Variants in SRPX observed in about 807,000 individuals in gnomAD.
SRPX encodes sushi repeat-containing protein SRPX.
A neutral mutation model predicts 38.1 loss-of-function variants in SRPX; 24 were observed. The ratio of observed to expected loss-of-function variants is 0.63; its 90% CI spans 0.46 to 0.89. The LOEUF (loss-of-function observed/expected upper bound fraction) is 0.89. SRPX is among the 40% of genes least tolerant of loss of function. The pLI, the probability that SRPX is intolerant of heterozygous loss-of-function variation, is 0.00. For synonymous variants in SRPX, 184 were observed against 153.8 expected (o/e 1.20, Z -1.45); for missense variants, 416 against 377.8 (o/e 1.10, Z -0.84).
chrX:38,176,431 T>C (rs1234278792), intron 2 of SRPX, among the ~76,000 whole-genome samples: 1 of 112,196 alleles, frequency 8.9e-6, no homozygotes, highest in Non-Finnish European at 1.9e-5. Context: ...GTGCTGGACA[T>C]TGTGCAGGGG....
In SRPX at chrX:38,164,800, C is replaced by G; in HGVS notation, c.622G>C (p.Gly208Arg). Reference protein sequence around the residue: ...TVRVSWETPEGRDTADGILTD... With the variant: ...TVRVSWETPERRDTADGILTD... The stretch of plus-strand genomic sequence containing the variant: ...AGAATTCCATCTGCTGTGTCTCTTC[C>G]TTCGGGTGTCTCCCAGGACACCCGG... Residue 208 changes from glycine to arginine, a missense_variant, in exon 5 of 10, where the codon GGA (glycine) becomes CGA (arginine). Transcript: ENST00000378533. The G allele has an allele frequency of 8.3e-7, 1 of 1,210,586 alleles. No homozygotes were observed. Among genetic ancestry groups the G allele is most frequent in the Non-Finnish European group, 1.1e-6 (1 of 894,786 alleles).
chrX:38,151,429 T>C (rs772445726), intron 9 of SRPX, among the ~76,000 whole-genome samples: 3 of 112,006 alleles, frequency 2.7e-5, no homozygotes, highest in Admixed American at 9.5e-5. Context: ...GGGAATGTGG[T>C]GGCTGAAGCC....
At chrX:38,197,232 G>A (rs372765267) in intron 1 of SRPX, among the ~76,000 whole-genome samples, 1 of 112,454 alleles carries the variant, frequency 8.9e-6, no homozygotes, top group Non-Finnish European at 1.9e-5. Context: ...CACCCAGCAA[G>A]GGGGAGAGCT....
At chrX:38,208,253 G>T (rs1384922107) in intron 1 of SRPX, among the ~76,000 whole-genome samples, 1 of 111,500 alleles carries the variant, frequency 9.0e-6, no homozygotes, top group African/African-American at 3.3e-5. Context: ...GCATACCCAT[G>T]AGACCTCCCA....
At chrX:38,151,470 A>G (rs774221269) in intron 9 of SRPX, among the ~76,000 whole-genome samples, 1 of 111,441 alleles carries the variant, frequency 9.0e-6, no homozygotes, top group Non-Finnish European at 1.9e-5. Context: ...AAGAAATTGG[A>G]GCATTCATTT....
chrX:38,165,564 T>C (rs1938350779), intron 4 of SRPX, among the ~76,000 whole-genome samples: 1 of 112,059 alleles, frequency 8.9e-6, no homozygotes, highest in Admixed American at 9.5e-5. Flanking sequence ...CCCAACTCTC[T>C]CATTTTACAG....
chrX:38,175,167 G>C (rs1379736186), intron 2 of SRPX, among the ~76,000 whole-genome samples: 2 of 112,121 alleles, frequency 1.8e-5, no homozygotes, highest in Admixed American at 1.9e-4. Flanking sequence ...TAGCTCCTTG[G>C]TGGATAAGTT....
chrX:38,156,966 C>T lies in SRPX; in HGVS notation c.1019G>A (p.Arg340Lys), dbSNP rs1266825726. ...AALLDQFYEK[R>K]RLLIVSTPTA... is the part of the protein sequence containing the mutation. ...GGGTGTGGACACAATGAGGAGTCTCCTTTTCTCATAAAACTGATCCAGAAG... is the reference window on the plus strand; with the variant it reads ...GGGTGTGGACACAATGAGGAGTCTCTTTTTCTCATAAAACTGATCCAGAAG... The change falls in exon 8 of 10, where the codon AGG becomes AAG. Residue 340 changes from arginine (R) to lysine (K), a missense_variant. Arg to Lys is a conservative substitution (Grantham distance 26). Coordinates refer to ENST00000378533, the MANE Select transcript of SRPX (RefSeq NM_006307.5). 2 of 1,209,746 alleles carry T rather than the reference C, an allele frequency of 1.7e-6. No individual in the cohort carries two copies. The highest frequency in any genetic ancestry group is 2.2e-6 in the Non-Finnish European group (2 of 895,095).
intron 5 of SRPX, among the ~76,000 whole-genome samples, chrX:38,163,850 G>A (rs891448170): frequency 4.5e-5 from 5 of 111,312 alleles, no homozygotes; most frequent in Non-Finnish European, 7.5e-5. Flanking sequence ...AAAAAACAAG[G>A]GGTGAAAAAG....
intron 1 of SRPX, among the ~76,000 whole-genome samples, chrX:38,183,085 G>A (rs1170116247): frequency 2.9e-5 from 3 of 103,542 alleles, no homozygotes; most frequent in Non-Finnish European, 3.9e-5. Context: ...ACAGGGTCTC[G>A]CTCTGTTGCC....
intron 1 of SRPX, among the ~76,000 whole-genome samples, chrX:38,211,723 G>GA (rs1167051210): frequency 1.8e-5 from 2 of 109,555 alleles, no homozygotes; most frequent in Admixed American, 9.7e-5. Context: ...AAAGAACAGA[G>GA]AAAAAAAATA....
chrX:38,154,834 A>G lies in SRPX; in HGVS notation c.1090-251T>C, dbSNP rs45542338. Among the ~76,000 whole-genome samples the G allele has an allele frequency of 4.2e-3, 472 of 111,931 alleles. 1 individual carries two copies. Among genetic ancestry groups the G allele is most frequent in the Non-Finnish European group, 6.6e-3 (353 of 53,138 alleles). ...GAAAACCTAAGCAAAAGGGCAGTCT[A>G]TGTATTTCCAGACAGGGTGAGACCT... is the stretch of plus-strand genomic sequence containing the variant. On this transcript the variant is annotated intron_variant, in intron 8 of 9. Transcript: ENST00000378533.
At chrX:38,193,419 T>A in intron 1 of SRPX, among the ~76,000 whole-genome samples, 2 of 111,950 alleles carry the variant, frequency 1.8e-5, no homozygotes, top group Middle Eastern at 9.3e-3. Flanking sequence ...TAAGGCTGCA[T>A]TAGGGAAGTT....
chrX:38,160,070 G>T lies in SRPX; in HGVS notation c.902C>A (p.Ala301Asp). ...IGGYELQGSP[A>D]RVCQSNLAWS... ...AGCCAGGTTGGATTGACATACTCGG[G>T]CAGGGCTACCCTGGAGCTCATAGCC... The change falls in exon 7 of 10, where the codon GCC becomes GAC. Residue 301 changes from alanine to aspartate, a missense_variant. By Grantham distance (126) the Ala-to-Asp change is moderately radical. Transcript: ENST00000378533. The T allele has an allele frequency of 8.3e-7, 1 of 1,211,487 alleles. No homozygotes were observed.
At chrX:38,150,407 G>C (rs1937990929) in intron 9 of SRPX, among the ~76,000 whole-genome samples, 1 of 111,901 alleles carries the variant, frequency 8.9e-6, no homozygotes, top group African/African-American at 3.3e-5. Flanking sequence ...GGGTGATTTT[G>C]CTCCCCACCC....
intron 1 of SRPX, among the ~76,000 whole-genome samples, chrX:38,190,260 G>A (rs1282290113): frequency 1.8e-5 from 2 of 112,243 alleles, no homozygotes; most frequent in South Asian, 7.4e-4. Flanking sequence ...GAGAGACAGA[G>A]AGAAGAGAGT....
At chrX:38,204,860 A>G (rs991949214) in intron 1 of SRPX, among the ~76,000 whole-genome samples, 1 of 112,598 alleles carries the variant, frequency 8.9e-6, no homozygotes, top group African/African-American at 3.2e-5. Context: ...CAATAGTACC[A>G]AAGAAGACTA....
At chrX:38,158,600 G>T (rs1938177106) in intron 7 of SRPX, among the ~76,000 whole-genome samples, 1 of 111,257 alleles carries the variant, frequency 9.0e-6, no homozygotes, top group Non-Finnish European at 1.9e-5. Context: ...CTGCCCCAGG[G>T]ACTCAGAGTC....
chrX:38,211,123 A>G (rs945044612), intron 1 of SRPX, among the ~76,000 whole-genome samples: 1 of 112,727 alleles, frequency 8.9e-6, no homozygotes, highest in African/African-American at 3.2e-5. Context: ...CTGTGTTCCA[A>G]TAACATCAAA....
Sources: allele counts gnomAD v4.1 joint callset (sites outside exome capture counted in the v4.1 genomes callset), GRCh38; gene constraint gnomAD v4.1.1; transcripts MANE v1.5; gene names NCBI Gene and HGNC (gene_info 2026-07-23, HGNC 2026-07-21).